The following DOCK2 variants were observed in gnomAD, a reference collection of about 807,000 sequenced individuals.
DOCK2 encodes dedicator of cytokinesis protein 2.
DOCK2 carries 87 observed loss-of-function variants against 248.9 expected under a neutral mutation model. The ratio of observed to expected loss-of-function variants is 0.35; its 90% CI spans 0.29 to 0.42. The LOEUF (loss-of-function observed/expected upper bound fraction) is 0.42, where lower values mean the gene tolerates loss of function less well. DOCK2 is among the 10% of genes least tolerant of loss of function. The pLI is 1.00. For missense variants in DOCK2, 1,747 were observed against 2,300.2 expected (o/e 0.76, Z 4.92); for synonymous variants, 805 against 821.6 (o/e 0.98, Z 0.35).
rs758221176 is a variant in DOCK2 at position 170,080,251 on chromosome 5, G to A, written c.5255G>A (p.Ser1752Asn). ...PLKASVLSQM[S>N]FASQSMPTIP... The stretch of plus-strand genomic sequence containing the variant: ...AAGGCGTCTGTCCTCTCTCAAATGA[G>A]CTTTGCCAGCCAGTCCATGCCTACC... The change falls in exon 50 of 52, where the codon AGC (serine) becomes AAC (asparagine). Residue 1752 changes from serine (S) to asparagine (N), a missense_variant. Coordinates refer to ENST00000520908, the MANE Select transcript of DOCK2 (RefSeq NM_004946.3). 1 of 1,614,146 alleles carries A rather than the reference G, an allele frequency of 6.2e-7. No homozygotes were observed. The highest frequency in any genetic ancestry group is 2.2e-5 in the East Asian group (1 of 44,880).
chr5:169,904,606 A>T (rs1774164818), intron 27 of DOCK2, among the ~76,000 whole-genome samples: 1 of 152,066 alleles, frequency 6.6e-6, no homozygotes, highest in South Asian at 2.1e-4. Flanking sequence ...TCTCATTCAC[A>T]TGGAGGCCTT....
At chr5:169,670,079 G>A in intron 3 of DOCK2, among the ~76,000 whole-genome samples, 1 of 152,210 alleles carries the variant, frequency 6.6e-6, no homozygotes, top group East Asian at 1.9e-4. Context: ...GAACATTGTT[G>A]CTTCAGGACC....
intron 26 of DOCK2, among the ~76,000 whole-genome samples, chr5:169,809,885 G>A (rs1466443251): frequency 2.0e-5 from 3 of 152,180 alleles, no homozygotes; most frequent in African/African-American, 7.2e-5. Context: ...TCAGAAATCA[G>A]GTTAAATGTG....
At position 169,654,447 on chromosome 5, in the gene DOCK2, C is replaced by A; in HGVS notation, c.88C>A (p.Gln30Lys). ...CAGCGGAGCCCCCCAGCTCTCCCTG[C>A]AGATCGGCGATGTGGTGCGAATACA... ...QGSGAPQLSL[Q>K]IGDVVRIQET... Residue 30 changes from glutamine to lysine, a missense_variant, in exon 2 of 52, where the codon CAG (glutamine) becomes AAG (lysine). This residue lies in a region of DOCK2 where 375 missense variants were observed against 510.9 expected (regional missense o/e 0.73). Coordinates refer to ENST00000520908, the MANE Select transcript of DOCK2 (RefSeq NM_004946.3). The A allele has an allele frequency of 1.9e-6, 3 of 1,614,188 alleles. No homozygotes were observed. Among genetic ancestry groups the A allele is most frequent in the Non-Finnish European group, 2.5e-6 (3 of 1,180,016 alleles).
At position 169,891,543 on chromosome 5, in the gene DOCK2, G is replaced by A. The variant is rs558123344; in HGVS notation, c.2799+50691G>A. Among the ~76,000 whole-genome samples the A allele has an allele frequency of 3.3e-5, 5 of 151,576 alleles. No individual in the cohort carries two copies. The South Asian group carries it at 6.3e-4, about 19-fold the overall frequency. The stretch of plus-strand genomic sequence containing the variant: ...AAGCACAATTCCAATATCTAAAACA[G>A]AATAAAGTGGAGTTGTTCTAGAAAA... On this transcript the variant is annotated intron_variant, in intron 27 of 51. Transcript: ENST00000520908.
intron 32 of DOCK2, among the ~76,000 whole-genome samples, chr5:170,015,852 T>C (rs1755514911): frequency 7.0e-6 from 1 of 142,396 alleles, no homozygotes; most frequent in Admixed American, 7.0e-5. Context: ...CCTCCTTTTC[T>C]TCTTTCCCTC....
chr5:169,937,457 G>A (rs916221520), intron 27 of DOCK2, among the ~76,000 whole-genome samples: 2 of 152,200 alleles, frequency 1.3e-5, no homozygotes, highest in South Asian at 4.1e-4. Context: ...TGAGAATTAG[G>A]TAAGATGCTG....
At chr5:169,738,260 T>C (rs1351804195) in intron 22 of DOCK2, among the ~76,000 whole-genome samples, 5 of 152,248 alleles carry the variant, frequency 3.3e-5, no homozygotes, top group Non-Finnish European at 7.3e-5. Flanking sequence ...TGATCGCATC[T>C]GTGTTTTTAG....
chr5:169,811,561 C>A (rs757844090), intron 26 of DOCK2, among the ~76,000 whole-genome samples: 1 of 152,162 alleles, frequency 6.6e-6, no homozygotes, highest in Non-Finnish European at 1.5e-5. Flanking sequence ...TGTTTTCACC[C>A]CTTGCTTTTC....
At chr5:169,746,241 T>C (rs556572878) in intron 22 of DOCK2, among the ~76,000 whole-genome samples, 53 of 148,700 alleles carry the variant, frequency 3.6e-4, no homozygotes, top group African/African-American at 1.3e-3. Context: ...AGAAAGAGAG[T>C]GATTGACACT....
chr5:170,071,755 T>A (rs1427465897), intron 46 of DOCK2, among the ~76,000 whole-genome samples: 1 of 152,154 alleles, frequency 6.6e-6, no homozygotes, highest in Non-Finnish European at 1.5e-5. Context: ...TTTATAGTAA[T>A]CATTTCCTTG....
chr5:170,064,018 T>G (rs7719978), intron 44 of DOCK2, among the ~76,000 whole-genome samples: 36,976 of 152,004 alleles, frequency 0.24, 5,086 homozygotes, highest in African/African-American at 0.36. Flanking sequence ...TATCTGTCAC[T>G]GGGTACTGAC....
intron 43 of DOCK2, 64 bp downstream of exon 43, chr5:170,056,832 G>C (rs1429643941): frequency 8.9e-6 from 13 of 1,461,896 alleles, no homozygotes; most frequent in African/African-American, 4.2e-5. Context: ...AGCATGCATC[G>C]GCCAGCCTCA....
chr5:170,073,993 C>T (rs74592396), intron 46 of DOCK2, among the ~76,000 whole-genome samples: 3,524 of 151,960 alleles, frequency 0.023, 61 homozygotes, highest in Middle Eastern at 0.054. Flanking sequence ...GAATTTAGTT[C>T]GCTGTTCTTT....
At chr5:169,826,546 G>C (rs1768872481) in intron 26 of DOCK2, among the ~76,000 whole-genome samples, 1 of 152,108 alleles carries the variant, frequency 6.6e-6, no homozygotes, top group Non-Finnish European at 1.5e-5. Context: ...GGTGAATTCT[G>C]TTACCCATCA....
chr5:169,915,330 A>C (rs1448417063), intron 27 of DOCK2, among the ~76,000 whole-genome samples: 2 of 152,184 alleles, frequency 1.3e-5, no homozygotes, highest in Non-Finnish European at 2.9e-5. Context: ...CAAAATCATC[A>C]GCAAAAGCAC....
intron 27 of DOCK2, among the ~76,000 whole-genome samples, chr5:169,929,814 A>C (rs1301929802): frequency 6.6e-6 from 1 of 151,410 alleles, no homozygotes; most frequent in Non-Finnish European, 1.5e-5. Context: ...TTGACCTAGC[A>C]CTTTCCTATA....
intron 27 of DOCK2, among the ~76,000 whole-genome samples, chr5:169,874,612 G>A (rs865781857): frequency 9.2e-5 from 14 of 152,064 alleles, no homozygotes; most frequent in East Asian, 1.9e-4. Flanking sequence ...CCTTTTACAC[G>A]TGTCTGCTGT....
intron 27 of DOCK2, among the ~76,000 whole-genome samples, chr5:169,868,823 G>T (rs967929476): frequency 2.0e-5 from 3 of 152,130 alleles, no homozygotes; most frequent in African/African-American, 7.2e-5. Context: ...TGCAGGCCTG[G>T]GTAGAAAAGA....
Sources: allele counts gnomAD v4.1 joint callset (sites outside exome capture counted in the v4.1 genomes callset), GRCh38; gene constraint gnomAD v4.1.1; regional missense constraint gnomAD v4.1.1; transcripts MANE v1.5; gene names NCBI Gene and HGNC (gene_info 2026-07-23, HGNC 2026-07-21).